The following SORCS1 variants were observed in gnomAD, a reference collection of about 807,000 sequenced individuals.
The protein encoded by SORCS1 is sortilin related VPS10 domain containing receptor 1, also known as VPS10 domain-containing receptor SorCS1.
Under a neutral mutation model 146.1 loss-of-function variants are expected in SORCS1, and 60 were observed. That is an observed-to-expected ratio of 0.41 (90% CI 0.33 to 0.51). The LOEUF is 0.51. SORCS1 is among the 20% of genes least tolerant of loss of function. The pLI, the probability that SORCS1 is intolerant of heterozygous loss-of-function variation, is 0.21. For missense variants in SORCS1, 1,352 were observed against 1,487.6 expected (o/e 0.91, Z 1.50); for synonymous variants, 637 against 584.0 (o/e 1.09, Z -1.31).
chr10:107,118,327 T>A (rs1966172199), intron 1 of SORCS1, among the ~76,000 whole-genome samples: 2 of 152,216 alleles, frequency 1.3e-5, no homozygotes, highest in South Asian at 4.1e-4. Context: ...CTGTTGTTTA[T>A]AAGCCACCCA....
At chr10:107,108,847 G>T (rs1329772775) in intron 1 of SORCS1, among the ~76,000 whole-genome samples, 1 of 152,158 alleles carries the variant, frequency 6.6e-6, no homozygotes, top group Non-Finnish European at 1.5e-5. Flanking sequence ...GATTCAATGA[G>T]TGTATAGGCA....
chr10:106,924,581 G>C (rs369684757), intron 2 of SORCS1, among the ~76,000 whole-genome samples: 2 of 152,218 alleles, frequency 1.3e-5, no homozygotes. Flanking sequence ...AAATTGAAAA[G>C]AAAGGAAGCG....
chr10:106,885,828 G>A (rs968932169), intron 2 of SORCS1, among the ~76,000 whole-genome samples: 3 of 152,132 alleles, frequency 2.0e-5, no homozygotes, highest in East Asian at 1.9e-4. Context: ...TAAGTCTCAC[G>A]AGAACTGATG....
At chr10:106,777,465 T>C (rs1860534806) in intron 3 of SORCS1, among the ~76,000 whole-genome samples, 1 of 152,138 alleles carries the variant, frequency 6.6e-6, no homozygotes, top group Admixed American at 6.5e-5. Flanking sequence ...AATGAATGCA[T>C]AGAAAGATGC....
At chr10:106,668,162 G>A (rs901922918) in intron 16 of SORCS1, among the ~76,000 whole-genome samples, 5 of 152,170 alleles carry the variant, frequency 3.3e-5, no homozygotes, top group Non-Finnish European at 5.9e-5. Flanking sequence ...TCAACCCTTG[G>A]TGAGAAATTC....
chr10:106,607,465 A>C (rs1846684586), intron 22 of SORCS1, among the ~76,000 whole-genome samples, 168 bp from the exon 23 acceptor site: 1 of 152,188 alleles, frequency 6.6e-6, no homozygotes, highest in South Asian at 2.1e-4. Flanking sequence ...GCACTGGGCT[A>C]TTAGGTCCAG....
chr10:107,171,992 T>A, the SORCS1 span, among the ~76,000 whole-genome samples: 1 of 152,234 alleles, frequency 6.6e-6, no homozygotes, highest in Non-Finnish European at 1.5e-5. Flanking sequence ...AGGTACATTA[T>A]TAGCTGAGGC....
intron 1 of SORCS1, among the ~76,000 whole-genome samples, chr10:107,006,952 G>A (rs138263508): frequency 6.6e-6 from 1 of 152,220 alleles, no homozygotes; most frequent in East Asian, 1.9e-4. Flanking sequence ...TGCGCTTATA[G>A]CAAATCTTAA....
At chr10:107,111,601 A>G (rs1590164052) in intron 1 of SORCS1, among the ~76,000 whole-genome samples, 1 of 152,278 alleles carries the variant, frequency 6.6e-6, no homozygotes, top group South Asian at 2.1e-4. Flanking sequence ...GTACAAATAT[A>G]TAAACTGTGT....
At chr10:107,021,684 A>G (rs1476687445) in intron 1 of SORCS1, among the ~76,000 whole-genome samples, 2 of 152,126 alleles carry the variant, frequency 1.3e-5, no homozygotes, top group Non-Finnish European at 2.9e-5. Context: ...CTTGATACCT[A>G]ATTCTATCAT....
chr10:106,690,243 G>T (rs1230095365), intron 9 of SORCS1, among the ~76,000 whole-genome samples: 1 of 152,180 alleles, frequency 6.6e-6, no homozygotes, highest in African/African-American at 2.4e-5. Flanking sequence ...ACTCAAATAT[G>T]AATAAACTGC....
chr10:107,145,070 G>C (rs940153659), intron 1 of SORCS1, among the ~76,000 whole-genome samples: 2 of 152,156 alleles, frequency 1.3e-5, no homozygotes, highest in Non-Finnish European at 2.9e-5. Flanking sequence ...TGGATGCAGG[G>C]GGAGGTGTAA....
intron 3 of SORCS1, among the ~76,000 whole-genome samples, chr10:106,790,221 T>A (rs1335095415): frequency 6.6e-6 from 1 of 152,208 alleles, no homozygotes; most frequent in Non-Finnish European, 1.5e-5. Flanking sequence ...TAGGTCCTGA[T>A]GCTCAACAAT....
chr10:106,809,751 C>A (rs890224424), intron 3 of SORCS1, among the ~76,000 whole-genome samples: 3 of 152,124 alleles, frequency 2.0e-5, no homozygotes, highest in African/African-American at 7.2e-5. Context: ...AGTGAAAGAA[C>A]CCTCTTCTGT....
In SORCS1 at chr10:107,060,228, A is replaced by C. The variant is rs139961098; in HGVS notation, c.559-103648T>G. Among the ~76,000 whole-genome samples the C allele has an allele frequency of 1.2e-4, 18 of 152,324 alleles. No homozygotes were observed. Among genetic ancestry groups the C allele is most frequent in the African/African-American group, 4.3e-4 (18 of 41,578 alleles). On this transcript the variant is annotated intron_variant, in intron 1 of 25. Coordinates refer to ENST00000263054, the MANE Select transcript of SORCS1 (RefSeq NM_052918.5). The surrounding 1 kb of genome is among the most constrained non-coding windows in gnomAD (Gnocchi z 4.1). ...ATGACAATGAGGATCTGAAGTTTAC[A>C]TGCTGTCTTCAGAATGTTTTATCCA...
At chr10:106,694,220 C>T (rs1257864281) in intron 9 of SORCS1, among the ~76,000 whole-genome samples, 1 of 152,152 alleles carries the variant, frequency 6.6e-6, no homozygotes, top group Non-Finnish European at 1.5e-5. Flanking sequence ...AAACAGCACT[C>T]TCCTCCTCTA....
intron 1 of SORCS1, among the ~76,000 whole-genome samples, chr10:107,007,211 C>T (rs1957488785): frequency 6.6e-6 from 1 of 152,216 alleles, no homozygotes; most frequent in Non-Finnish European, 1.5e-5. Flanking sequence ...ATTCTTTGGC[C>T]TCCTCCCAAG....
chr10:106,977,758 C>T (rs1046594813), intron 1 of SORCS1, among the ~76,000 whole-genome samples: 16 of 152,196 alleles, frequency 1.1e-4, no homozygotes, highest in African/African-American at 3.6e-4. Flanking sequence ...CAATATGGGA[C>T]AAATGAGATT....
Position 106,767,978 on chromosome 10 carries a change from AT to A in SORCS1, c.886-6318del, listed in dbSNP as rs373400987. Among the ~76,000 whole-genome samples, 66 of 151,494 alleles carry A rather than the reference AT, an allele frequency of 4.4e-4. No homozygotes were observed. In the South Asian group the frequency reaches 4.8e-3, roughly 11 times the overall value. The stretch of plus-strand genomic sequence containing the variant: ...CATTTCTCCTTATTCTTGTAGCTCT[AT>A]TTTTTTTTCCCGAAATCATTAGAAA... On this transcript the variant is annotated intron_variant, in intron 4 of 25. Transcript: ENST00000263054.
Sources: allele counts gnomAD v4.1 joint callset (sites outside exome capture counted in the v4.1 genomes callset), GRCh38; gene constraint gnomAD v4.1.1; non-coding constraint Gnocchi (gnomAD v3.1); transcripts MANE v1.5; gene names NCBI Gene and HGNC (gene_info 2026-07-23, HGNC 2026-07-21).